CFAP221: variants seen among roughly 807,000 people sequenced by gnomAD.
The protein encoded by CFAP221 is cilia- and flagella-associated protein 221.
A neutral mutation model predicts 113.1 loss-of-function variants in CFAP221; 97 were observed. That is an observed-to-expected ratio of 0.86 (90% CI 0.73 to 1.02). The LOEUF (loss-of-function observed/expected upper bound fraction) is 1.02, where lower values mean the gene tolerates loss of function less well. Ranked by LOEUF, CFAP221 falls within the 50% of genes least tolerant of loss-of-function variation. The pLI is 0.00. For missense variants in CFAP221, 1,025 were observed against 1,013.4 expected, an observed-to-expected ratio of 1.01 and a Z score of -0.16; for synonymous variants, 331 against 354.4, an observed-to-expected ratio of 0.93 and a Z score of 0.74.
At chr2:119,567,003 G>A (rs1681695385) in intron 6 of CFAP221, among the ~76,000 whole-genome samples, 1 of 152,048 alleles carries the variant, frequency 6.6e-6, no homozygotes. Context: ...TTAATTCATA[G>A]CAAAATTGAA....
At chr2:119,629,608 C>T (rs769410918) in intron 16 of CFAP221, among the ~76,000 whole-genome samples, 2 of 152,196 alleles carry the variant, frequency 1.3e-5, no homozygotes, top group African/African-American at 4.8e-5. Flanking sequence ...AAGCCTGAGT[C>T]CTTCAAGCCT....
intron 6 of CFAP221, among the ~76,000 whole-genome samples, chr2:119,579,961 G>A (rs980675885): frequency 1.3e-5 from 2 of 152,136 alleles, no homozygotes; most frequent in Admixed American, 6.6e-5. Flanking sequence ...GTCCACTGGC[G>A]TCATCTTCAA....
chr2:119,622,335 A>G (rs1274235213), intron 14 of CFAP221, among the ~76,000 whole-genome samples: 1 of 152,232 alleles, frequency 6.6e-6, no homozygotes, highest in Non-Finnish European at 1.5e-5. Flanking sequence ...CAAATCCCTG[A>G]ATAGACCAAT....
intron 6 of CFAP221, among the ~76,000 whole-genome samples, chr2:119,570,616 A>G (rs1401868206): frequency 6.6e-6 from 1 of 152,224 alleles, no homozygotes; most frequent in African/African-American, 2.4e-5. Flanking sequence ...AAATGGAACC[A>G]TACAACATGA....
At chr2:119,606,691 A>G (rs1437366200) in intron 11 of CFAP221, among the ~76,000 whole-genome samples, 2 of 152,142 alleles carry the variant, frequency 1.3e-5, no homozygotes, top group Non-Finnish European at 2.9e-5. Context: ...GTGACCAGTG[A>G]CCACTGTCAG....
At chr2:119,615,162 C>T (rs1685439267) in intron 13 of CFAP221, among the ~76,000 whole-genome samples, 1 of 152,224 alleles carries the variant, frequency 6.6e-6, no homozygotes, top group Non-Finnish European at 1.5e-5. Flanking sequence ...CATTTACTAA[C>T]TTAGATACAC....
At chr2:119,581,976 C>CA (rs1682878269) in intron 6 of CFAP221, among the ~76,000 whole-genome samples, 1 of 151,880 alleles carries the variant, frequency 6.6e-6, no homozygotes, top group Non-Finnish European at 1.5e-5. Context: ...TGATAATCTA[C>CA]AAAAAAGTGA....
chr2:119,566,063 A>G (rs760392852), intron 6 of CFAP221, among the ~76,000 whole-genome samples: 3 of 152,144 alleles, frequency 2.0e-5, no homozygotes, highest in African/African-American at 4.8e-5. Flanking sequence ...AATTCAGTGT[A>G]TGCTGAAAAG....
chr2:119,644,559 G>A (rs1053558234), intron 21 of CFAP221, among the ~76,000 whole-genome samples: 15 of 152,240 alleles, frequency 9.9e-5, no homozygotes, highest in African/African-American at 3.4e-4. Flanking sequence ...TGTTTTGGTG[G>A]GAAATGGGAT....
intron 8 of CFAP221, among the ~76,000 whole-genome samples, chr2:119,601,743 C>G (rs184685042): frequency 4.5e-4 from 69 of 152,294 alleles, no homozygotes; most frequent in Non-Finnish European, 7.3e-4. Context: ...TTCCATATAG[C>G]ATTTTAATTA....
At chr2:119,587,676 C>T (rs1355493237) in intron 7 of CFAP221, among the ~76,000 whole-genome samples, 2 of 152,106 alleles carry the variant, frequency 1.3e-5, no homozygotes, top group Non-Finnish European at 2.9e-5. Flanking sequence ...AGATTTTACA[C>T]CTAAAGTAAT....
At chr2:119,609,701 G>A (rs985796135) in intron 12 of CFAP221, among the ~76,000 whole-genome samples, 2 of 152,136 alleles carry the variant, frequency 1.3e-5, no homozygotes, top group African/African-American at 2.4e-5. Context: ...TTCAATACAG[G>A]AATTTCGAAG....
intron 6 of CFAP221, among the ~76,000 whole-genome samples, chr2:119,582,412 G>C (rs1362141215): frequency 6.6e-6 from 1 of 151,732 alleles, no homozygotes. Flanking sequence ...AGAAATACTA[G>C]GTATGTTTAG....
At chr2:119,599,201 G>T (rs1325352223) in intron 7 of CFAP221, among the ~76,000 whole-genome samples, 2 of 152,208 alleles carry the variant, frequency 1.3e-5, no homozygotes, top group Non-Finnish European at 2.9e-5. Flanking sequence ...AAAGCACTGT[G>T]CTGGGGATCC....
chr2:119,591,100 G>A (rs11123528), intron 7 of CFAP221, among the ~76,000 whole-genome samples: 35,998 of 152,050 alleles, frequency 0.24, 4,993 homozygotes, highest in African/African-American at 0.39. Flanking sequence ...TGAGATAACC[G>A]GCAGAGGGCC....
chr2:119,643,616 C>T (rs1368501886), intron 21 of CFAP221, among the ~76,000 whole-genome samples: 2 of 152,162 alleles, frequency 1.3e-5, no homozygotes, highest in African/African-American at 2.4e-5. Context: ...ACGATCTCAG[C>T]TCACTGCAAC....
At chr2:119,621,115 C>T (rs1685881872) in intron 14 of CFAP221, among the ~76,000 whole-genome samples, 1 of 151,848 alleles carries the variant, frequency 6.6e-6, no homozygotes, top group Admixed American at 6.6e-5. Context: ...ATCCCAGCTA[C>T]TCAGGAGGCT....
At chr2:119,650,422 C>G (rs1470938984) in intron 22 of CFAP221, among the ~76,000 whole-genome samples, 1 of 152,220 alleles carries the variant, frequency 6.6e-6, no homozygotes, top group Non-Finnish European at 1.5e-5. Flanking sequence ...CAGCTTCTTT[C>G]CGCCAGGCCC....
chr2:119,601,775 G>C (rs1005389268), intron 8 of CFAP221, among the ~76,000 whole-genome samples: 1 of 152,198 alleles, frequency 6.6e-6, no homozygotes, highest in African/African-American at 2.4e-5. Flanking sequence ...GCTGTTTGCA[G>C]TGCCCATTGC....
Sources: gnomAD v4.1 joint callset for allele counts (sites outside exome capture counted in the v4.1 genomes callset) on GRCh38, gnomAD v4.1.1 for gene constraint, MANE v1.5 for transcripts, NCBI Gene and HGNC (gene_info 2026-07-23, HGNC 2026-07-21) for gene names.